Variants in BICC1 observed in about 807,000 individuals in gnomAD.
BICC1 encodes the protein BicC family RNA binding protein 1.
In BICC1, 43 loss-of-function variants were observed where a neutral mutation model predicts 111.0. The ratio of observed to expected loss-of-function variants is 0.39; its 90% CI spans 0.30 to 0.50. The LOEUF (loss-of-function observed/expected upper bound fraction) is 0.50. BICC1 is among the 20% of genes least tolerant of loss of function. BICC1 has a pLI of 0.88. For missense variants in BICC1, 1,091 were observed against 1,203.2 expected, an observed-to-expected ratio of 0.91 and a Z score of 1.38; for synonymous variants, 467 against 434.4, an observed-to-expected ratio of 1.07 and a Z score of -0.93.
At chr10:58,782,282 A>G (rs1842903141) in intron 3 of BICC1, among the ~76,000 whole-genome samples, 1 of 152,158 alleles carries the variant, frequency 6.6e-6, no homozygotes, top group African/African-American at 2.4e-5. Flanking sequence ...CCAACCTGTA[A>G]AGTCACACAT....
chr10:58,566,220 A>G (rs1343079155), intron 1 of BICC1, among the ~76,000 whole-genome samples: 2 of 151,534 alleles, frequency 1.3e-5, no homozygotes, highest in Non-Finnish European at 2.9e-5. Context: ...ACACTTGCAT[A>G]TGTGTATATC....
intron 1 of BICC1, among the ~76,000 whole-genome samples, chr10:58,603,813 G>A (rs16912415): frequency 0.019 from 2,851 of 152,052 alleles, 77 homozygotes; most frequent in African/African-American, 0.065. Context: ...CATTCTGTTC[G>A]TTCAATTTCT....
chr10:58,730,784 A>T (rs1259981658), intron 3 of BICC1, among the ~76,000 whole-genome samples: 1 of 152,066 alleles, frequency 6.6e-6, no homozygotes. Flanking sequence ...CTTTTGAGTC[A>T]GGGCTGCAGC....
intron 2 of BICC1, among the ~76,000 whole-genome samples, chr10:58,631,696 C>G (rs1165175198): frequency 1.3e-5 from 2 of 152,128 alleles, no homozygotes; most frequent in Non-Finnish European, 2.9e-5. Flanking sequence ...ATATAGAGGC[C>G]TCTGTGTTTC....
intron 3 of BICC1, among the ~76,000 whole-genome samples, chr10:58,728,024 T>C (rs1411411687): frequency 6.6e-6 from 1 of 152,254 alleles, no homozygotes; most frequent in African/African-American, 2.4e-5. Flanking sequence ...CTTAATCTTT[T>C]TGCTGGTGGA....
chr10:58,655,889 A>G lies in BICC1; in HGVS notation c.237+34988A>G, dbSNP rs375002105. Among the ~76,000 whole-genome samples the G allele has an allele frequency of 9.2e-5, 14 of 152,114 alleles. 1 individual carries two copies. The East Asian group carries it at 1.7e-3, about 19-fold the overall frequency. ...GCCTAATTTATTGAGAGTTTTTAGC[A>G]TGAAGGGTTGTTGAAAGGAGCTGGT... On this transcript the variant is annotated intron_variant, in intron 2 of 20. Coordinates refer to ENST00000373886, the MANE Select transcript of BICC1 (RefSeq NM_001080512.3).
At chr10:58,538,692 C>T (rs1384136722) in intron 1 of BICC1, among the ~76,000 whole-genome samples, 3 of 151,460 alleles carry the variant, frequency 2.0e-5, no homozygotes, top group Admixed American at 6.6e-5. Flanking sequence ...AAAAAATCTG[C>T]GAATTTTGCA....
intron 3 of BICC1, among the ~76,000 whole-genome samples, chr10:58,784,254 C>T (rs1842951988): frequency 6.6e-6 from 1 of 152,142 alleles, no homozygotes; most frequent in Non-Finnish European, 1.5e-5. Flanking sequence ...TATCTCTTCT[C>T]TCTAGTCCCT....
intron 2 of BICC1, among the ~76,000 whole-genome samples, chr10:58,628,940 A>G (rs1423930736): frequency 1.3e-5 from 2 of 152,190 alleles, no homozygotes; most frequent in African/African-American, 4.8e-5. Flanking sequence ...CTGTCACTCT[A>G]AGCTCTTGAC....
rs1460123425 is a variant in BICC1, at chr10:58,800,179, C to A, written c.1726-15C>A. 5 of 1,552,670 alleles carry A rather than the reference C, an allele frequency of 3.2e-6. No individual in the cohort carries two copies. The highest frequency in any genetic ancestry group is 1.1e-5 in the South Asian group (1 of 86,980). The stretch of plus-strand genomic sequence containing the variant: ...TGTGACCATATTTATACATTATTTT[C>A]TATTATTATTTTAGTCTCCAGATAT... On this transcript the variant is annotated splice_polypyrimidine_tract_variant and intron_variant, in intron 12 of 20. Transcript: ENST00000373886.
At chr10:58,786,221 A>G (rs1256432496) in intron 4 of BICC1, among the ~76,000 whole-genome samples, 2 of 152,160 alleles carry the variant, frequency 1.3e-5, no homozygotes, top group African/African-American at 4.8e-5. Context: ...GTACAGCACT[A>G]AATTCCTCAA....
rs905542671 is a variant in BICC1, at chr10:58,620,794, G to C, written c.191-61G>C. ...TTTTGCATTCTCATATCTGATGCTC[G>C]AAAGTTTTTTGAATGCATACATTGA... is the stretch of plus-strand genomic sequence containing the variant. On this transcript the variant is annotated intron_variant, in intron 1 of 20. Coordinates refer to ENST00000373886, the MANE Select transcript of BICC1 (RefSeq NM_001080512.3). The C allele has an allele frequency of 8.7e-5, 133 of 1,534,772 alleles. 2 individuals carry two copies. The South Asian group carries it at 1.5e-3, about 17-fold the overall frequency.
intron 3 of BICC1, among the ~76,000 whole-genome samples, chr10:58,769,758 T>G (rs35784224): frequency 6.6e-6 from 1 of 151,662 alleles, no homozygotes; most frequent in African/African-American, 2.4e-5. Context: ...TTCTACTGTA[T>G]TCATATAGTG....
In BICC1 at chr10:58,800,235, T is replaced by C; in HGVS notation, c.1767T>C (p.Leu589=). 6.2e-7 allele frequency: 1 copy of C among 1,610,428 alleles called. No individual in the cohort carries two copies. Among genetic ancestry groups the C allele is most frequent in the African/African-American group, 1.3e-5 (1 of 74,974 alleles). ...ATGGTGCAATATCCACTTCATCACT[T>C]GGAGAAAAAGTGCTGAGTGCAAATC... The part of the protein sequence containing the change: ...IKYGAISTSS[L]GEKVLSANHG... The change falls in exon 13 of 21, where the codon CTT becomes CTC. Residue 589 remains leucine, a synonymous_variant. Transcript: ENST00000373886.
At chr10:58,736,998 A>T in intron 3 of BICC1, among the ~76,000 whole-genome samples, 1 of 152,260 alleles carries the variant, frequency 6.6e-6, no homozygotes. Context: ...GCTTTATTAC[A>T]CTAGAATATT....
intron 19 of BICC1, among the ~76,000 whole-genome samples, chr10:58,818,582 T>G (rs968999868): frequency 1.8e-4 from 27 of 152,148 alleles, no homozygotes; most frequent in African/African-American, 6.5e-4. Flanking sequence ...ATAAATTCAA[T>G]GTACTGCCCA....
chr10:58,750,090 A>G (rs1841942884), intron 3 of BICC1, among the ~76,000 whole-genome samples: 1 of 152,160 alleles, frequency 6.6e-6, no homozygotes, highest in Non-Finnish European at 1.5e-5. Flanking sequence ...GTGTGAGGAT[A>G]ATGAGTCCTA....
intron 2 of BICC1, among the ~76,000 whole-genome samples, chr10:58,621,201 G>T (rs1010907812): frequency 1.3e-5 from 2 of 152,198 alleles, no homozygotes; most frequent in East Asian, 1.9e-4. Context: ...CATTTGGCTG[G>T]CATGTGACAT....
At chr10:58,757,528 A>G (rs532574909) in intron 3 of BICC1, among the ~76,000 whole-genome samples, 2 of 149,620 alleles carry the variant, frequency 1.3e-5, no homozygotes, top group African/African-American at 4.9e-5. Flanking sequence ...GGAGCTTATC[A>G]GTAAGTGATG....
Sources: allele counts gnomAD v4.1 joint callset (sites outside exome capture counted in the v4.1 genomes callset), GRCh38; gene constraint gnomAD v4.1.1; transcripts MANE v1.5; gene names NCBI Gene and HGNC (gene_info 2026-07-23, HGNC 2026-07-21).